The following LRCH1 variants were observed in gnomAD, a reference collection of about 807,000 sequenced individuals.
LRCH1 encodes leucine-rich repeat and calponin homology domain-containing protein 1.
Under a neutral mutation model 94.9 loss-of-function variants are expected in LRCH1, and 23 were observed. The ratio of observed to expected loss-of-function variants is 0.24; its 90% CI spans 0.17 to 0.34. LRCH1 has a LOEUF of 0.34. Among genes scored for constraint, LRCH1 ranks in the 10% least tolerant of loss-of-function variants. LRCH1 has a pLI of 1.00. For synonymous variants in LRCH1, 364 were observed against 354.9 expected, an observed-to-expected ratio of 1.03 and a Z score of -0.29; for missense variants, 790 against 945.9, an observed-to-expected ratio of 0.84 and a Z score of 2.16.
intron 3 of LRCH1, among the ~76,000 whole-genome samples, chr13:46,678,146 T>G (rs778602319): frequency 3.9e-5 from 6 of 152,230 alleles, no homozygotes; most frequent in Non-Finnish European, 8.8e-5. Context: ...TAAATCAGTC[T>G]GTAAAATTCA....
chr13:46,626,701 G>A (rs750160614), intron 1 of LRCH1, among the ~76,000 whole-genome samples: 17 of 152,194 alleles, frequency 1.1e-4, no homozygotes, highest in Non-Finnish European at 2.5e-4. Context: ...ACATGGACGT[G>A]CATGAAAGGT....
chr13:46,686,220 G>A (rs567437247), intron 5 of LRCH1, among the ~76,000 whole-genome samples, 179 bp downstream of exon 5: 1 of 152,338 alleles, frequency 6.6e-6, no homozygotes, highest in Non-Finnish European at 1.5e-5. Flanking sequence ...CCTCCAGAGT[G>A]AAGACCCAAA....
rs773143639 is a variant in LRCH1, at chr13:46,733,985, T to C, written c.2072T>C (p.Leu691Ser). Residue 691 changes from leucine to serine, a missense_variant, in exon 19 of 20, where the codon TTA (leucine) becomes TCA (serine). Transcript: ENST00000389797. ...AACTTTTTGGAAGCATGCCGAAAAT[T>C]AGGAGTACCAGAGGTAACATCAAAC... ...VENFLEACRK[L>S]GVPEADLCSP... 6.3e-7 allele frequency: 1 copy of C among 1,595,868 alleles called. No individual in the cohort carries two copies.
chr13:46,627,757 T>C (rs2050968131), intron 1 of LRCH1, among the ~76,000 whole-genome samples: 1 of 152,228 alleles, frequency 6.6e-6, no homozygotes, highest in African/African-American at 2.4e-5. Context: ...AACAATGGCA[T>C]ATTTTGAAGG....
At chr13:46,603,885 G>A (rs567568850) in intron 1 of LRCH1, among the ~76,000 whole-genome samples, 4 of 152,144 alleles carry the variant, frequency 2.6e-5, no homozygotes, top group Non-Finnish European at 5.9e-5. Context: ...TTGAACTCCT[G>A]GCCTCAAGCA....
Position 46,553,241 on chromosome 13 carries a change from C to CCCAAAAAAG in LRCH1, c.-155_-154insCAAAAAAGC. ...CCACGGCCGCCTCCCCGCCCGCCCCCCATTCTACGCGCCTGCCCACACCCT... is the reference window on the plus strand; with the variant it reads ...CCACGGCCGCCTCCCCGCCCGCCCCCCCAAAAAAGCATTCTACGCGCCTGCCCACACCCT... On this transcript the variant is annotated 5_prime_UTR_variant, in exon 1 of 20. Coordinates refer to ENST00000389797, the MANE Select transcript of LRCH1 (RefSeq NM_001164211.2). 1.8e-6 allele frequency: 1 copy of CCCAAAAAAG among 571,086 alleles called. No individual in the cohort carries two copies. The allele number at this position is 571,086 out of a possible 1,614,324, so 35.4% of individuals were successfully genotyped here.
intron 9 of LRCH1, 77 bp from the exon 10 acceptor site, chr13:46,699,259 C>T (rs749102153): frequency 5.4e-5 from 59 of 1,101,706 alleles, no homozygotes; most frequent in Non-Finnish European, 7.5e-5. Context: ...CTGTTATAAA[C>T]ATGGGCTGGG....
intron 19 of LRCH1, among the ~76,000 whole-genome samples, chr13:46,739,172 G>A (rs1262861350): frequency 6.6e-6 from 1 of 152,102 alleles, no homozygotes; most frequent in South Asian, 2.1e-4. Context: ...TGAACTGCTG[G>A]ATCTGTCTAC....
chr13:46,742,449 A>T lies in LRCH1; in HGVS notation c.*601A>T, dbSNP rs1873713531. On this transcript the variant is annotated 3_prime_UTR_variant, in exon 20 of 20. Transcript: ENST00000389797. ...ATTGGATTCCTCCCAAATTTCCTAAAAAGGGAGCCGCGAAGGGCGCTGGGC... is the reference window on the plus strand; with the variant it reads ...ATTGGATTCCTCCCAAATTTCCTAATAAGGGAGCCGCGAAGGGCGCTGGGC... The T allele has an allele frequency of 2.5e-5, 25 of 986,840 alleles. No homozygotes were observed. Among genetic ancestry groups the T allele is most frequent in the Non-Finnish European group, 2.8e-5 (23 of 831,060 alleles). 61.1% of individuals were successfully genotyped at this position (986,840 alleles called of 1,614,324 possible).
chr13:46,728,994 A>G lies in LRCH1; in HGVS notation c.2007+10A>G, dbSNP rs375446237. 1,913 of 1,609,970 alleles carry G rather than the reference A, an allele frequency of 1.2e-3. 37 individuals are homozygous for G. In the South Asian group the frequency reaches 0.019, roughly 16 times the overall value. ...CCCATCACCAGCGGTTGTAAGTAACACCAAAGGGAAACTAACTGACATAAA... is the reference window on the plus strand; with the variant it reads ...CCCATCACCAGCGGTTGTAAGTAACGCCAAAGGGAAACTAACTGACATAAA... On this transcript the variant is annotated intron_variant, in intron 18 of 19. Transcript: ENST00000389797.
rs536339008 is a variant in LRCH1, at chr13:46,736,561, T to G, written c.2085+2563T>G. ...TATATCACAAGACTTCTTGCAGAAA[T>G]TCTCCATCTATAATTAGACATTTTA... On this transcript the variant is annotated intron_variant, in intron 19 of 19. Transcript: ENST00000389797. 3.9e-5 allele frequency among the ~76,000 whole-genome samples: 6 copies of G among 152,314 alleles called. No individual in the cohort carries two copies. In the East Asian group the frequency reaches 1.2e-3, roughly 29 times the overall value.
chr13:46,725,856 A>C (rs1329263742), intron 17 of LRCH1, among the ~76,000 whole-genome samples: 1 of 152,214 alleles, frequency 6.6e-6, no homozygotes, highest in African/African-American at 2.4e-5. Context: ...AATCTATGCA[A>C]CTAAGATCAG....
chr13:46,662,920 T>C (rs1264876645), intron 2 of LRCH1, among the ~76,000 whole-genome samples: 1 of 152,240 alleles, frequency 6.6e-6, no homozygotes, highest in Non-Finnish European at 1.5e-5. Context: ...CTCGCAGTTC[T>C]CTTTTCTAAA....
intron 10 of LRCH1, 126 bp downstream of exon 10, chr13:46,699,529 A>G: frequency 1.2e-6 from 1 of 810,212 alleles, no homozygotes. Context: ...CTTACAGACA[A>G]TATTGATAAG....
At chr13:46,647,592 G>A (rs1262672927) in intron 1 of LRCH1, among the ~76,000 whole-genome samples, 1 of 152,098 alleles carries the variant, frequency 6.6e-6, no homozygotes, top group Non-Finnish European at 1.5e-5. Context: ...TTATGGTGAA[G>A]TTTTTGTTTT....
intron 2 of LRCH1, among the ~76,000 whole-genome samples, chr13:46,664,395 A>G (rs1395185786): frequency 6.6e-6 from 1 of 152,140 alleles, no homozygotes; most frequent in Non-Finnish European, 1.5e-5. Flanking sequence ...ATAACACATT[A>G]CCCTTTCTAT....
chr13:46,671,886 T>G (rs9590975), intron 3 of LRCH1, among the ~76,000 whole-genome samples: 3,519 of 152,302 alleles, frequency 0.023, 149 homozygotes, highest in African/African-American at 0.08. Context: ...CCAGAGTGGT[T>G]CATTTGTTAC....
intron 16 of LRCH1, among the ~76,000 whole-genome samples, chr13:46,716,907 T>G (rs1199968306): frequency 6.6e-6 from 1 of 152,158 alleles, no homozygotes; most frequent in Non-Finnish European, 1.5e-5. Context: ...CTTAAGTTTT[T>G]TTTTTTCTAA....
At chr13:46,673,439 C>CT (rs2051627908) in intron 3 of LRCH1, among the ~76,000 whole-genome samples, 1 of 152,188 alleles carries the variant, frequency 6.6e-6, no homozygotes, top group South Asian at 2.1e-4. Context: ...TATCTTTCAT[C>CT]TTTTTGCTTA....
Sources: allele counts gnomAD v4.1 joint callset (sites outside exome capture counted in the v4.1 genomes callset), GRCh38; gene constraint gnomAD v4.1.1; transcripts MANE v1.5; gene names NCBI Gene and HGNC (gene_info 2026-07-23, HGNC 2026-07-21).